Variants in PCMT1 observed in about 807,000 individuals in gnomAD.
The protein encoded by PCMT1 is protein-L-isoaspartate (D-aspartate) O-methyltransferase.
In PCMT1, 9 loss-of-function variants were observed where a neutral mutation model predicts 29.2. That is an observed-to-expected ratio of 0.31 (90% confidence interval 0.19 to 0.54). The LOEUF is 0.54. PCMT1 is among the 20% of genes least tolerant of loss of function. The pLI is 0.95. For synonymous variants in PCMT1, 98 were observed against 97.5 expected (o/e 1.00, Z -0.03); for missense variants, 184 against 282.2 (o/e 0.65, Z 2.49).
At position 149,753,203 on chromosome 6, in the gene PCMT1, TCTA is replaced by T. The variant is rs529401590; in HGVS notation, c.55+3250_55+3252del. 8.5e-4 allele frequency among the ~76,000 whole-genome samples: 130 copies of T among 152,330 alleles called. 1 individual carries two copies. The highest frequency in any genetic ancestry group is 5.7e-3 in the Admixed American group (87 of 15,292). ...AAATATTGCCTTCCTTCCTCATTAT[TCTA>T]CTGTGTATATTCTTCCTAAATTAAA... On this transcript the variant is annotated intron_variant, in intron 1 of 7. Coordinates refer to ENST00000464889, the MANE Select transcript of PCMT1 (RefSeq NM_001360452.2).
intron 1 of PCMT1, 58 bp from the exon 2 acceptor site, chr6:149,771,104 C>G: frequency 9.7e-7 from 1 of 1,029,346 alleles, no homozygotes; most frequent in Non-Finnish European, 1.5e-6. Flanking sequence ...TGTAATTATT[C>G]TAAAATATCT....
intron 4 of PCMT1, 35 bp from the exon 5 acceptor site, chr6:149,793,514 C>T (rs770133233): frequency 1.7e-5 from 24 of 1,403,024 alleles, no homozygotes; most frequent in Non-Finnish European, 2.1e-5. Flanking sequence ...ACAAATTTAG[C>T]CCAATGAGCT....
chr6:149,769,770 A>ATTTTT (rs34274281), intron 1 of PCMT1, among the ~76,000 whole-genome samples: 4 of 99,712 alleles, frequency 4.0e-5, no homozygotes, highest in Admixed American at 1.3e-4. Flanking sequence ...AGCTAATTAA[A>ATTTTT]TTTTTTTTTT....
chr6:149,768,227 A>AC (rs961699068), intron 1 of PCMT1, among the ~76,000 whole-genome samples: 1 of 151,634 alleles, frequency 6.6e-6, no homozygotes, highest in African/African-American at 2.4e-5. Flanking sequence ...AGTAGCTGGG[A>AC]CCACAGGCAC....
At chr6:149,800,996 A>G (rs2115336250) in intron 6 of PCMT1, among the ~76,000 whole-genome samples, 1 of 152,354 alleles carries the variant, frequency 6.6e-6, no homozygotes, top group African/African-American at 2.4e-5. Context: ...AAAGATGAAT[A>G]AGACACAGTC....
At chr6:149,786,835 A>G (rs1583040316) in intron 3 of PCMT1, among the ~76,000 whole-genome samples, 3 of 121,140 alleles carry the variant, frequency 2.5e-5, no homozygotes, top group East Asian at 2.9e-4. Flanking sequence ...CCTAGATGGG[A>G]TGGCGGCTGG....
chr6:149,756,966 C>T (rs999726953), intron 1 of PCMT1, among the ~76,000 whole-genome samples: 3 of 151,880 alleles, frequency 2.0e-5, no homozygotes, highest in Non-Finnish European at 4.4e-5. Flanking sequence ...ACCAGCCTGG[C>T]CAACAATGCG....
intron 1 of PCMT1, among the ~76,000 whole-genome samples, chr6:149,760,578 G>A (rs1208090376): frequency 6.6e-6 from 1 of 152,128 alleles, no homozygotes; most frequent in Non-Finnish European, 1.5e-5. Flanking sequence ...TCTGGGCCAG[G>A]TGTAGTGGCT....
intron 1 of PCMT1, among the ~76,000 whole-genome samples, chr6:149,751,732 G>A (rs1471459991): frequency 5.3e-5 from 8 of 151,902 alleles, no homozygotes; most frequent in African/African-American, 9.7e-5. Context: ...TGCCCACCTC[G>A]GCCTCCCAAA....
rs60853264 is a variant in PCMT1, at chr6:149,803,052, C to CAAAAA, written c.*37+662_*37+666dup. On this transcript the variant is annotated intron_variant, in intron 7 of 7. Coordinates refer to ENST00000464889, the MANE Select transcript of PCMT1 (RefSeq NM_001360452.2). ...TGGGAGACAGAGCAAGGCTCTGTCT[C>CAAAAA]AAAAAAAAAAAAAAAAAAAAAAAAA... Among the ~76,000 whole-genome samples the CAAAAA allele has an allele frequency of 4.4e-3, 307 of 70,518 alleles. 7 individuals carry two copies. Among genetic ancestry groups the CAAAAA allele is most frequent in the Non-Finnish European group, 6.1e-3 (214 of 35,114 alleles). The allele number at this position is 70,518 out of a possible 152,430, so 46.3% of individuals were successfully genotyped here. A position where few individuals can be genotyped will look rare whatever the true frequency, so the allele number is the denominator to read the frequency against.
In PCMT1 at chr6:149,790,072, T is replaced by C. The variant is rs374205337; in HGVS notation, c.297+14T>C. The C allele has an allele frequency of 5.5e-6, 8 of 1,453,648 alleles. No individual in the cohort carries two copies. Among genetic ancestry groups the C allele is most frequent in the Non-Finnish European group, 7.7e-6 (8 of 1,044,224 alleles). The allele number at this position is 1,453,648 out of a possible 1,614,324, so 90.0% of individuals were successfully genotyped here. The stretch of plus-strand genomic sequence containing the variant: ...TTTGCACGTATGGTAAGAGTTTTAT[T>C]TCTCACTCTGGCCCCAACAGAAGAA... On this transcript the variant is annotated intron_variant, in intron 4 of 7. Transcript: ENST00000464889.
intron 1 of PCMT1, among the ~76,000 whole-genome samples, chr6:149,759,279 A>C (rs964393433): frequency 5.3e-5 from 8 of 152,194 alleles, no homozygotes; most frequent in African/African-American, 1.4e-4. Flanking sequence ...ATCATTCTGA[A>C]TGGGAAGAAA....
intron 3 of PCMT1, among the ~76,000 whole-genome samples, chr6:149,784,093 T>C (rs1012811139): frequency 3.3e-5 from 5 of 152,200 alleles, no homozygotes; most frequent in African/African-American, 9.7e-5. Flanking sequence ...ATGTAATGCA[T>C]GAACCTTGAA....
chr6:149,756,985 T>A (rs896627916), intron 1 of PCMT1, among the ~76,000 whole-genome samples: 1 of 151,730 alleles, frequency 6.6e-6, no homozygotes, highest in Non-Finnish European at 1.5e-5. Flanking sequence ...CGAAAACCCG[T>A]CTCTACTAAA....
At chr6:149,793,733 AG>A in intron 5 of PCMT1, 64 bp downstream of exon 5, 1 of 1,365,604 alleles carries the variant, frequency 7.3e-7, no homozygotes, top group Non-Finnish European at 9.8e-7. Context: ...ATCCAATGCA[AG>A]CTAAATAATA....
chr6:149,810,680 T>C lies in PCMT1; in HGVS notation c.*102T>C. The C allele has an allele frequency of 7.0e-7, 1 of 1,435,334 alleles. No homozygotes were observed. The highest frequency in any genetic ancestry group is 2.0e-5 in the Admixed American group (1 of 49,612). The allele number at this position is 1,435,334 out of a possible 1,614,324, so 88.9% of individuals were successfully genotyped here. On this transcript the variant is annotated 3_prime_UTR_variant, in exon 8 of 8. Coordinates refer to ENST00000464889, the MANE Select transcript of PCMT1 (RefSeq NM_001360452.2). ...AATTACAGTGGATTGCTCATCTCAG[T>C]CCTCAAAGCTTTTTGAAAACCAACA... is the stretch of plus-strand genomic sequence containing the variant.
At chr6:149,751,788 A>T (rs1467458238) in intron 1 of PCMT1, among the ~76,000 whole-genome samples, 1 of 151,278 alleles carries the variant, frequency 6.6e-6, no homozygotes, top group Non-Finnish European at 1.5e-5. Context: ...CCGGTACTTG[A>T]TATATTAGTC....
intron 3 of PCMT1, among the ~76,000 whole-genome samples, chr6:149,778,679 A>G (rs1435051632): frequency 1.3e-5 from 2 of 152,024 alleles, no homozygotes; most frequent in Non-Finnish European, 2.9e-5. Flanking sequence ...CTGGGACTAT[A>G]GGCACATACC....
chr6:149,770,016 C>T (rs1037579791), intron 1 of PCMT1, among the ~76,000 whole-genome samples: 1 of 152,134 alleles, frequency 6.6e-6, no homozygotes, highest in Non-Finnish European at 1.5e-5. Context: ...CTTCATCCTG[C>T]CTCTGTGACT....
Sources: gnomAD v4.1 joint callset for allele counts (sites outside exome capture counted in the v4.1 genomes callset) on GRCh38, gnomAD v4.1.1 for gene constraint, MANE v1.5 for transcripts, NCBI Gene and HGNC (gene_info 2026-07-23, HGNC 2026-07-21) for gene names.